CERS1: variants seen among roughly 807,000 people sequenced by gnomAD.
The protein encoded by CERS1 is ceramide synthase 1, also known as Embryonic growth/differentiation factor 1.
CERS1 carries 16 observed loss-of-function variants against 35.7 expected under a neutral mutation model. The observed-to-expected ratio is 0.45, with a 90% CI of 0.30 to 0.68. The LOEUF (loss-of-function observed/expected upper bound fraction) is 0.68, where lower values mean the gene tolerates loss of function less well. CERS1 is among the 30% of genes least tolerant of loss of function. The pLI, the probability that CERS1 is intolerant of heterozygous loss-of-function variation, is 0.08. For synonymous variants in CERS1, 243 were observed against 201.6 expected (o/e 1.21, Z -1.74); for missense variants, 454 against 453.9 (o/e 1.00, Z 0.00).
chr19:18,879,013 C>T lies in CERS1; in HGVS notation c.927G>A (p.Val309=). 1 of 1,613,762 alleles carries T rather than the reference C, an allele frequency of 6.2e-7. No individual in the cohort carries two copies. Among genetic ancestry groups the T allele is most frequent in the Non-Finnish European group, 8.5e-7 (1 of 1,179,854 alleles). The change falls in exon 6 of 8, where the codon GTG becomes GTA. Residue 309 remains valine (V), a synonymous_variant. Transcript: ENST00000623882. ...FLYIVAFAAK[V]LTGQVHELKD... ...TCAGCTCGTGCACCTGGCCTGTCAA[C>T]ACCTTGGCTGCAAACGCCACGATGT...
At position 18,878,094 on chromosome 19, in the gene CERS1, C is replaced by T; in HGVS notation, c.1010+836G>A. The T allele has an allele frequency of 1.0e-6, 1 of 985,640 alleles. No homozygotes were observed. The highest frequency in any genetic ancestry group is 1.2e-6 in the Non-Finnish European group (1 of 830,014). 61.1% of individuals were successfully genotyped at this position (985,640 alleles called of 1,614,324 possible). A position where few individuals can be genotyped will look rare whatever the true frequency, so the allele number is the denominator to read the frequency against. ...AACGTCACGGAGCTCTGAGCCACTG[C>T]TTCCCTGAAACCATCGTTCCCACGT... On this transcript the variant is annotated intron_variant, in intron 6 of 7. Coordinates refer to ENST00000623882, the MANE Select transcript of CERS1 (RefSeq NM_021267.5). This position sits in a 1 kb window ranked among gnomAD's most constrained non-coding sequence, Gnocchi z 4.6.
chr19:18,870,620 C>A lies in CERS1; in HGVS notation c.1011-1G>T, dbSNP rs866530442. 1 of 576,966 alleles carries A rather than the reference C, an allele frequency of 1.7e-6. No homozygotes were observed. The highest frequency in any genetic ancestry group is 2.5e-5 in the South Asian group (1 of 40,666). 35.7% of individuals were successfully genotyped at this position (576,966 alleles called of 1,614,324 possible). ...CACCAGGCCGTTCCTCAGTGGCTTC[C>A]TGGGGGTCAGAACCGGCGCAGGTTA... is the stretch of plus-strand genomic sequence containing the variant. On this transcript the variant is annotated splice_acceptor_variant, in intron 6 of 7. Coordinates refer to ENST00000623882, the MANE Select transcript of CERS1 (RefSeq NM_021267.5). LOFTEE classifies it high-confidence loss of function. This position sits in a 1 kb window ranked among gnomAD's most constrained non-coding sequence, Gnocchi z 5.1.
intron 6 of CERS1, among the ~76,000 whole-genome samples, chr19:18,875,246 A>AG (rs2056040377): frequency 1.3e-5 from 2 of 151,374 alleles, no homozygotes; most frequent in Admixed American, 6.6e-5. Flanking sequence ...AAAAAAAAAA[A>AG]AAAGAAAGAA....
chr19:18,879,948 G>GTAT (rs1398319149), intron 4 of CERS1, among the ~76,000 whole-genome samples: 1 of 149,894 alleles, frequency 6.7e-6, no homozygotes, highest in Non-Finnish European at 1.5e-5. Flanking sequence ...GGCTTGCTCT[G>GTAT]TATTAGTCTA....
At chr19:18,873,707 T>A (rs1035634875) in intron 6 of CERS1, among the ~76,000 whole-genome samples, 3 of 150,560 alleles carry the variant, frequency 2.0e-5, no homozygotes, top group African/African-American at 4.9e-5. Context: ...CCAGGTGTGG[T>A]GTACACGCCT....
At position 18,868,592 on chromosome 19, in the gene CERS1, C is replaced by A; in HGVS notation, c.*1393G>T. On this transcript the variant is annotated 3_prime_UTR_variant, in exon 8 of 8. Transcript: ENST00000623882. ...TGTTGGGCCCGCGTCCCTGCCCGCC[C>A]CGGGTTAGCGGCAGCCGCACTCGTC... 6.4e-7 allele frequency: 1 copy of A among 1,552,424 alleles called. No homozygotes were observed. The highest frequency in any genetic ancestry group is 1.2e-5 in the South Asian group (1 of 84,324).
intron 6 of CERS1, among the ~76,000 whole-genome samples, chr19:18,877,635 C>T (rs1246296965): frequency 3.9e-5 from 6 of 152,042 alleles, no homozygotes; most frequent in Non-Finnish European, 4.4e-5. Flanking sequence ...GCCTGTGGGC[C>T]CAGCTACTTG....
intron 2 of CERS1, among the ~76,000 whole-genome samples, chr19:18,890,235 A>C (rs529273251): frequency 7.9e-5 from 12 of 152,262 alleles, no homozygotes; most frequent in Admixed American, 7.8e-4. Context: ...GTCCCTGCTA[A>C]AAACTGCCCC....
chr19:18,868,913 C>T lies in CERS1; in HGVS notation c.*1072G>A. The T allele has an allele frequency of 7.3e-7, 1 of 1,370,566 alleles. No individual in the cohort carries two copies. The highest frequency in any genetic ancestry group is 4.0e-5 in the East Asian group (1 of 24,782). 84.9% of individuals were successfully genotyped at this position (1,370,566 alleles called of 1,614,324 possible). A position where few individuals can be genotyped will look rare whatever the true frequency, so the allele number is the denominator to read the frequency against. On this transcript the variant is annotated 3_prime_UTR_variant, in exon 8 of 8. Coordinates refer to ENST00000623882, the MANE Select transcript of CERS1 (RefSeq NM_021267.5). ...GAAGCTCACGTACAGCCGCCGCGCG[C>T]GACAAGCGCCCCCGGGGCCGCCGCC... is the stretch of plus-strand genomic sequence containing the variant.
At chr19:18,869,581 T>G (rs1484881806) in intron 7 of CERS1, among the ~76,000 whole-genome samples, 191 bp from the exon 8 acceptor site, 18 of 13,492 alleles carry the variant, frequency 1.3e-3, no homozygotes, top group African/African-American at 1.9e-3. Context: ...CCCTGCGGGG[T>G]GCGGCGGGGG....
At chr19:18,894,108 C>A (rs1291204625) in intron 1 of CERS1, among the ~76,000 whole-genome samples, 1 of 92,564 alleles carries the variant, frequency 1.1e-5, no homozygotes, top group Admixed American at 1.2e-4. Context: ...AACCTGGGGG[C>A]GATGAAAGGG....
rs2055901097 is a variant in CERS1, at chr19:18,868,753, G to T, written c.*1232C>A. On this transcript the variant is annotated 3_prime_UTR_variant, in exon 8 of 8. Transcript: ENST00000623882. ...CCGGGGCGGCCGCGTGCATGAGCGC[G>T]CGCAGCACAGCGTGGTTGAGCGCCG... The T allele has an allele frequency of 6.6e-7, 1 of 1,516,608 alleles. No homozygotes were observed. The highest frequency in any genetic ancestry group is 1.2e-5 in the South Asian group (1 of 83,304). 93.9% of individuals were successfully genotyped at this position (1,516,608 alleles called of 1,614,324 possible). A position where few individuals can be genotyped will look rare whatever the true frequency, so the allele number is the denominator to read the frequency against.
At chr19:18,876,535 G>A (rs1371984609) in intron 6 of CERS1, among the ~76,000 whole-genome samples, 1 of 66,744 alleles carries the variant, frequency 1.5e-5, no homozygotes, top group Non-Finnish European at 2.8e-5. Context: ...TTTTGATTGG[G>A]TTGTGTGTGT....
Position 18,870,352 on chromosome 19 carries a change from G to A in CERS1, c.*225C>T. On this transcript the variant is annotated 3_prime_UTR_variant, in exon 7 of 8. Transcript: ENST00000623882. The surrounding 1 kb of genome is among the most constrained non-coding windows in gnomAD (Gnocchi z 5.1). ...CAGAGAGTGCGCAGGGTCCGCGGCG[G>A]CCCGGGACCAGTGGGCTGAGGGCGG... 1 of 1,541,002 alleles carries A rather than the reference G, an allele frequency of 6.5e-7. No homozygotes were observed. Among genetic ancestry groups the A allele is most frequent in the Non-Finnish European group, 8.7e-7 (1 of 1,145,248 alleles).
chr19:18,894,985 C>G (rs1352572983), intron 1 of CERS1, among the ~76,000 whole-genome samples: 1 of 152,236 alleles, frequency 6.6e-6, no homozygotes, highest in African/African-American at 2.4e-5. Context: ...GACCCCTCCC[C>G]AGGGAAGTGA....
chr19:18,894,756 G>C (rs2056584373), intron 1 of CERS1, among the ~76,000 whole-genome samples: 1 of 152,148 alleles, frequency 6.6e-6, no homozygotes, highest in Non-Finnish European at 1.5e-5. Flanking sequence ...GGGTGATATG[G>C]GGACGGGAGT....
chr19:18,869,035 G>A lies in CERS1; in HGVS notation c.*950C>T, dbSNP rs121434422. 1 of 1,073,500 alleles carries A rather than the reference G, an allele frequency of 9.3e-7. No homozygotes were observed. The highest frequency in any genetic ancestry group is 1.1e-6 in the Non-Finnish European group (1 of 887,736). 66.5% of individuals were successfully genotyped at this position (1,073,500 alleles called of 1,614,324 possible). A position where few individuals can be genotyped will look rare whatever the true frequency, so the allele number is the denominator to read the frequency against. ...GCAGCGAGGCCTCGGCCAGGCGCGC[G>A]CAGGCGGCAGGGGCCCGGGGGCGTA... On this transcript the variant is annotated 3_prime_UTR_variant, in exon 8 of 8. Coordinates refer to ENST00000623882, the MANE Select transcript of CERS1 (RefSeq NM_021267.5).
At position 18,878,327 on chromosome 19, in the gene CERS1, A is replaced by T; in HGVS notation, c.1010+603T>A. On this transcript the variant is annotated intron_variant, in intron 6 of 7. Coordinates refer to ENST00000623882, the MANE Select transcript of CERS1 (RefSeq NM_021267.5). This position sits in a 1 kb window ranked among gnomAD's most constrained non-coding sequence, Gnocchi z 4.6. ...GCCTGCCCCAGGCCTGGGGCTTCGG[A>T]CACCATCTGGCTGTCACCCAGGGCT... The T allele has an allele frequency of 1.0e-6, 1 of 984,102 alleles. No homozygotes were observed. Among genetic ancestry groups the T allele is most frequent in the Non-Finnish European group, 1.2e-6 (1 of 829,848 alleles). The allele number at this position is 984,102 out of a possible 1,614,324, so 61.0% of individuals were successfully genotyped here.
chr19:18,893,712 C>A, intron 1 of CERS1, 137 bp from the exon 2 acceptor site: 1 of 866,412 alleles, frequency 1.2e-6, no homozygotes, highest in Admixed American at 2.7e-5. Flanking sequence ...CCCACAGCCA[C>A]CTGGAGCATA....
Sources: gnomAD v4.1 joint callset for allele counts (sites outside exome capture counted in the v4.1 genomes callset) on GRCh38, gnomAD v4.1.1 for gene constraint, Gnocchi (gnomAD v3.1) non-coding constraint, MANE v1.5 for transcripts, NCBI Gene and HGNC (gene_info 2026-07-23, HGNC 2026-07-21) for gene names.